Variants in CYP7B1 observed in about 807,000 individuals in gnomAD.
CYP7B1 encodes the protein cytochrome P450 family 7 subfamily B member 1, also known as cytochrome P450 7B1.
CYP7B1 carries 29 observed loss-of-function variants against 42.7 expected under a neutral mutation model. The observed-to-expected ratio is 0.68, with a 90% CI of 0.51 to 0.93. The LOEUF (loss-of-function observed/expected upper bound fraction) is 0.93. Ranked by LOEUF, CYP7B1 falls within the 40% of genes least tolerant of loss-of-function variation. The pLI, the probability that CYP7B1 is intolerant of heterozygous loss-of-function variation, is 0.00. For missense variants in CYP7B1, 655 were observed against 600.5 expected, an observed-to-expected ratio of 1.09 and a Z score of -0.95; for synonymous variants, 235 against 218.2, an observed-to-expected ratio of 1.08 and a Z score of -0.68.
At chr8:64,754,564 C>T (rs1361956072) in intron 1 of CYP7B1, among the ~76,000 whole-genome samples, 1 of 151,998 alleles carries the variant, frequency 6.6e-6, no homozygotes, top group African/African-American at 2.4e-5. Flanking sequence ...CAAAGGTGAG[C>T]AGAGAGACAA....
At chr8:64,649,116 C>T (rs1216242091) in intron 1 of CYP7B1, among the ~76,000 whole-genome samples, 3 of 152,110 alleles carry the variant, frequency 2.0e-5, no homozygotes, top group African/African-American at 4.8e-5. Context: ...AAACTCTATG[C>T]CCACTAAACC....
At chr8:64,655,700 G>A (rs1197501470) in intron 1 of CYP7B1, among the ~76,000 whole-genome samples, 1 of 152,110 alleles carries the variant, frequency 6.6e-6, no homozygotes, top group Non-Finnish European at 1.5e-5. Flanking sequence ...CTACCATAAA[G>A]ACACATGCAC....
chr8:64,776,804 T>G (rs1459269432), intron 1 of CYP7B1, among the ~76,000 whole-genome samples: 1 of 152,082 alleles, frequency 6.6e-6, no homozygotes, highest in Admixed American at 6.6e-5. Flanking sequence ...ATACCCTCCC[T>G]ACACCCAGAG....
At chr8:64,630,444 G>A (rs1407162753) in intron 1 of CYP7B1, among the ~76,000 whole-genome samples, 1 of 152,246 alleles carries the variant, frequency 6.6e-6, no homozygotes, top group Non-Finnish European at 1.5e-5. Context: ...TTCAGACTGA[G>A]ATAAGAGTAT....
intron 1 of CYP7B1, among the ~76,000 whole-genome samples, chr8:64,628,370 G>A (rs373487648): frequency 6.6e-6 from 1 of 152,098 alleles, no homozygotes; most frequent in Non-Finnish European, 1.5e-5. Context: ...TTTTGGAGAC[G>A]GGGAGTGGTG....
intron 1 of CYP7B1, among the ~76,000 whole-genome samples, chr8:64,643,031 T>C (rs964895526): frequency 6.8e-6 from 1 of 148,068 alleles, no homozygotes; most frequent in Non-Finnish European, 1.5e-5. Flanking sequence ...CATACAGTTT[T>C]GTATTAGTCA....
intron 1 of CYP7B1, among the ~76,000 whole-genome samples, chr8:64,773,516 G>C (rs1365752681): frequency 5.3e-5 from 8 of 152,086 alleles, no homozygotes; most frequent in African/African-American, 1.9e-4. Context: ...AGTACAACAG[G>C]GTATCCCATA....
At chr8:64,634,478 C>G (rs908668367) in intron 1 of CYP7B1, among the ~76,000 whole-genome samples, 4 of 151,160 alleles carry the variant, frequency 2.6e-5, no homozygotes, top group African/African-American at 9.7e-5. Flanking sequence ...ACTCAGGAGA[C>G]TGAGGCAGGA....
chr8:64,776,077 G>A (rs1376389175), intron 1 of CYP7B1, among the ~76,000 whole-genome samples: 1 of 152,090 alleles, frequency 6.6e-6, no homozygotes, highest in Non-Finnish European at 1.5e-5. Context: ...TGTATTCTTA[G>A]TTATTTTATA....
At chr8:64,609,406 G>A (rs1384525795) in intron 4 of CYP7B1, among the ~76,000 whole-genome samples, 1 of 152,112 alleles carries the variant, frequency 6.6e-6, no homozygotes, top group Non-Finnish European at 1.5e-5. Flanking sequence ...TTCATACTGA[G>A]GTGAAATTTT....
chr8:64,639,288 A>T (rs1239276926), intron 1 of CYP7B1, among the ~76,000 whole-genome samples: 15 of 152,258 alleles, frequency 9.9e-5, no homozygotes, highest in East Asian at 7.7e-4. Context: ...AGTTATTGCA[A>T]CAGGATTTTA....
At chr8:64,678,611 T>G (rs1377994766) in intron 1 of CYP7B1, among the ~76,000 whole-genome samples, 2 of 152,124 alleles carry the variant, frequency 1.3e-5, no homozygotes, top group Admixed American at 1.3e-4. Flanking sequence ...CAATCAGTAT[T>G]TGGTAACATA....
intron 5 of CYP7B1, among the ~76,000 whole-genome samples, chr8:64,602,456 G>A (rs1011066639): frequency 6.6e-6 from 1 of 152,168 alleles, no homozygotes; most frequent in African/African-American, 2.4e-5. Context: ...GTCTTTTGGA[G>A]GTTGGAAATT....
At chr8:64,744,158 G>A (rs1807609203) in intron 1 of CYP7B1, among the ~76,000 whole-genome samples, 1 of 152,080 alleles carries the variant, frequency 6.6e-6, no homozygotes. Context: ...AAAGGAGAGG[G>A]AAAATATAGT....
intron 1 of CYP7B1, among the ~76,000 whole-genome samples, chr8:64,769,058 A>G (rs943013118): frequency 6.6e-6 from 1 of 152,178 alleles, no homozygotes; most frequent in Admixed American, 6.5e-5. Context: ...ATGACATCAC[A>G]TTCTTAAAAA....
At chr8:64,620,097 G>T (rs1333288038) in intron 2 of CYP7B1, among the ~76,000 whole-genome samples, 1 of 152,068 alleles carries the variant, frequency 6.6e-6, no homozygotes, top group East Asian at 1.9e-4. Context: ...AAGGTGGGAT[G>T]ATCACTTGAA....
chr8:64,741,967 G>A (rs1403455118), intron 1 of CYP7B1, among the ~76,000 whole-genome samples: 5 of 152,062 alleles, frequency 3.3e-5, no homozygotes, highest in Admixed American at 1.3e-4. Flanking sequence ...TCAAATCCCA[G>A]CAAGCTTTTT....
At chr8:64,635,062 C>G (rs1383636469) in intron 1 of CYP7B1, among the ~76,000 whole-genome samples, 1 of 152,238 alleles carries the variant, frequency 6.6e-6, no homozygotes, top group Admixed American at 6.5e-5. Flanking sequence ...ATGTGACACA[C>G]AGCACACAGT....
chr8:64,773,645 C>G (rs1209923512), intron 1 of CYP7B1, among the ~76,000 whole-genome samples: 3 of 152,176 alleles, frequency 2.0e-5, no homozygotes, highest in Non-Finnish European at 2.9e-5. Context: ...TTTTCTGTTG[C>G]TATAACAGAA....
Sources: gnomAD v4.1 joint callset for allele counts (sites outside exome capture counted in the v4.1 genomes callset) on GRCh38, gnomAD v4.1.1 for gene constraint, MANE v1.5 for transcripts, NCBI Gene and HGNC (gene_info 2026-07-23, HGNC 2026-07-21) for gene names.